CAMK1D: variants seen among roughly 807,000 people sequenced by gnomAD.
The protein encoded by CAMK1D is calcium/calmodulin-dependent protein kinase type 1D.
CAMK1D carries 9 observed loss-of-function variants against 47.7 expected under a neutral mutation model. The ratio of observed to expected loss-of-function variants is 0.19; its 90% CI spans 0.11 to 0.33. The LOEUF (loss-of-function observed/expected upper bound fraction) is 0.33, where lower values mean the gene tolerates loss of function less well. Among genes scored for constraint, CAMK1D ranks in the 10% least tolerant of loss-of-function variants. The probability of loss-of-function intolerance (pLI) is 1.00; values close to 1 mark genes in which losing one functional copy is unlikely to be tolerated. For missense variants in CAMK1D, 291 were observed against 488.7 expected (o/e 0.60, Z 3.81); for synonymous variants, 184 against 184.9 (o/e 0.99, Z 0.04).
chr10:12,512,325 CT>C (rs1835063626), intron 1 of CAMK1D, among the ~76,000 whole-genome samples: 1 of 152,214 alleles, frequency 6.6e-6, no homozygotes, highest in Non-Finnish European at 1.5e-5. Flanking sequence ...GTAGAAAACA[CT>C]ACCTTACGTT....
intron 1 of CAMK1D, among the ~76,000 whole-genome samples, chr10:12,478,110 A>C (rs1833956749): frequency 6.9e-6 from 1 of 144,178 alleles, no homozygotes; most frequent in Non-Finnish European, 1.5e-5. Flanking sequence ...GGTTCATGCC[A>C]TTCTCCTGCC....
Position 12,618,235 on chromosome 10 carries a change from G to A in CAMK1D, c.225-48501G>A, listed in dbSNP as rs369435307. Among the ~76,000 whole-genome samples the A allele has an allele frequency of 1.9e-4, 29 of 152,058 alleles. No homozygotes were observed. The East Asian group carries it at 3.3e-3, about 17-fold the overall frequency. ...TTGCTAAATCTCTTTGAATACACAG[G>A]CATCCTCCTAATTTTTTTTTTCATT... On this transcript the variant is annotated intron_variant, in intron 2 of 10. Transcript: ENST00000619168.
At chr10:12,621,159 C>G (rs1375480879) in intron 2 of CAMK1D, among the ~76,000 whole-genome samples, 1 of 152,190 alleles carries the variant, frequency 6.6e-6, no homozygotes, top group East Asian at 1.9e-4. Flanking sequence ...GTGTGTCTAT[C>G]CCCCTAACAG....
At chr10:12,417,787 C>T (rs998562294) in intron 1 of CAMK1D, among the ~76,000 whole-genome samples, 1 of 150,772 alleles carries the variant, frequency 6.6e-6, no homozygotes, top group African/African-American at 2.4e-5. Flanking sequence ...CTCTTTATAA[C>T]AGTAATAATT....
rs62870361 is a variant in CAMK1D, at chr10:12,721,511, A to ACCATCCAT, written c.300-39411_300-39404dup. ...TGTGTTCTTTCACTGGCTACCATCC[A>ACCATCCAT]CCATCCATCCATCCATCCATCCATC... On this transcript the variant is annotated intron_variant, in intron 3 of 10. Coordinates refer to ENST00000619168, the MANE Select transcript of CAMK1D (RefSeq NM_153498.4). 2.2e-3 allele frequency among the ~76,000 whole-genome samples: 330 copies of ACCATCCAT among 150,764 alleles called. 1 individual carries two copies. In the Middle Eastern group the frequency reaches 0.024, roughly 11 times the overall value.
chr10:12,400,751 C>T (rs1839146730), intron 1 of CAMK1D, among the ~76,000 whole-genome samples: 1 of 151,844 alleles, frequency 6.6e-6, no homozygotes, highest in Admixed American at 6.6e-5. Context: ...CAGAGTGTGA[C>T]GTAGGCCTCC....
chr10:12,380,279 G>A (rs1838302626), intron 1 of CAMK1D, among the ~76,000 whole-genome samples: 1 of 152,082 alleles, frequency 6.6e-6, no homozygotes, highest in Non-Finnish European at 1.5e-5. Flanking sequence ...CCTTAGTTCT[G>A]AATCTAGCAG....
At chr10:12,658,611 C>T (rs1384122089) in intron 2 of CAMK1D, among the ~76,000 whole-genome samples, 9 of 152,138 alleles carry the variant, frequency 5.9e-5, no homozygotes, top group Non-Finnish European at 1.2e-4. Flanking sequence ...AACCCTGAGA[C>T]CCTAGTGGGC....
At chr10:12,461,266 A>G (rs1033101194) in intron 1 of CAMK1D, among the ~76,000 whole-genome samples, 2 of 152,186 alleles carry the variant, frequency 1.3e-5, no homozygotes, top group African/African-American at 4.8e-5. Context: ...GTGTTGTGTT[A>G]TCTTTCTGAA....
At chr10:12,486,518 C>T (rs1173270461) in intron 1 of CAMK1D, among the ~76,000 whole-genome samples, 1 of 117,502 alleles carries the variant, frequency 8.5e-6, no homozygotes, top group Non-Finnish European at 1.7e-5. Context: ...CCCACGTGTG[C>T]ATGTGTGCGC....
chr10:12,440,655 G>C (rs1346563446), intron 1 of CAMK1D, among the ~76,000 whole-genome samples: 1 of 152,178 alleles, frequency 6.6e-6, no homozygotes, highest in Non-Finnish European at 1.5e-5. Flanking sequence ...TTAAATGAAT[G>C]CAGTTTATTG....
At chr10:12,469,405 C>G (rs1833684163) in intron 1 of CAMK1D, among the ~76,000 whole-genome samples, 1 of 148,780 alleles carries the variant, frequency 6.7e-6, no homozygotes, top group Non-Finnish European at 1.5e-5. Context: ...CCAAGCGAGG[C>G]CTTCCCTGAG....
In CAMK1D at chr10:12,379,711, C is replaced by G. The variant is rs549136005; in HGVS notation, c.92+29801C>G. On this transcript the variant is annotated intron_variant, in intron 1 of 10. Transcript: ENST00000619168. ...GAGGTTGCAGTGAGCCGAGATCGTG[C>G]CACTGCACTGCAGTCTGGGCGGCAA... Among the ~76,000 whole-genome samples, 5 of 152,182 alleles carry G rather than the reference C, an allele frequency of 3.3e-5. No individual in the cohort carries two copies. The South Asian group carries it at 1.0e-3, about 32-fold the overall frequency.
At chr10:12,474,709 G>A (rs1157291361) in intron 1 of CAMK1D, among the ~76,000 whole-genome samples, 1 of 151,936 alleles carries the variant, frequency 6.6e-6, no homozygotes, top group Non-Finnish European at 1.5e-5. Flanking sequence ...ACTAAGCATA[G>A]TACCTGATAG....
intron 3 of CAMK1D, among the ~76,000 whole-genome samples, chr10:12,758,583 C>T (rs985510150): frequency 6.6e-6 from 1 of 152,226 alleles, no homozygotes; most frequent in Non-Finnish European, 1.5e-5. Context: ...TCAGTTTTCA[C>T]TGCATTGCTG....
chr10:12,751,245 A>G (rs1835968733), intron 3 of CAMK1D, among the ~76,000 whole-genome samples: 1 of 152,082 alleles, frequency 6.6e-6, no homozygotes, highest in Admixed American at 6.6e-5. Flanking sequence ...GTTTTGTGCA[A>G]AATATTTATT....
intron 1 of CAMK1D, among the ~76,000 whole-genome samples, chr10:12,535,141 T>C (rs1026101945): frequency 6.6e-6 from 1 of 152,156 alleles, no homozygotes; most frequent in East Asian, 1.9e-4. Context: ...GCCCATCGTA[T>C]GCGCCTGCTT....
At chr10:12,413,797 C>A (rs1233212606) in intron 1 of CAMK1D, among the ~76,000 whole-genome samples, 1 of 152,064 alleles carries the variant, frequency 6.6e-6, no homozygotes, top group Non-Finnish European at 1.5e-5. Context: ...AGTCTGTTAG[C>A]CATATTTTCA....
intron 2 of CAMK1D, among the ~76,000 whole-genome samples, chr10:12,576,415 T>C (rs1028575138): frequency 2.6e-5 from 4 of 152,132 alleles, no homozygotes; most frequent in African/African-American, 9.7e-5. Context: ...GGGAGGGTGA[T>C]GATATCAGGA....
Sources: allele counts gnomAD v4.1 joint callset (sites outside exome capture counted in the v4.1 genomes callset), GRCh38; gene constraint gnomAD v4.1.1; transcripts MANE v1.5; gene names NCBI Gene and HGNC (gene_info 2026-07-23, HGNC 2026-07-21).